Variants in PCF11 observed in about 807,000 individuals in gnomAD.
The protein encoded by PCF11 is PCF11 cleavage and polyadenylation factor subunit.
PCF11 carries 19 observed loss-of-function variants against 166.1 expected under a neutral mutation model. The observed-to-expected ratio is 0.11, with a 90% CI of 0.08 to 0.17. The LOEUF (loss-of-function observed/expected upper bound fraction) is 0.17, where lower values mean the gene tolerates loss of function less well. Ranked by LOEUF, PCF11 falls within the 10% of genes least tolerant of loss-of-function variation. The probability of loss-of-function intolerance (pLI) is 1.00; values close to 1 mark genes in which losing one functional copy is unlikely to be tolerated. For synonymous variants in PCF11, 663 were observed against 644.1 expected (o/e 1.03, Z -0.44); for missense variants, 1,565 against 1,855.5 (o/e 0.84, Z 2.88).
intron 14 of PCF11, 101 bp downstream of exon 14, chr11:83,182,592 A>G (rs375026684): frequency 3.8e-5 from 25 of 649,852 alleles, no homozygotes; most frequent in African/African-American, 1.5e-4. Context: ...TTTTTGTTTG[A>G]TTTTTGGTCT....
chr11:83,167,051 A>G lies in PCF11; in HGVS notation c.1818-74A>G. 1 of 1,209,034 alleles carries G rather than the reference A, an allele frequency of 8.3e-7. No homozygotes were observed. Among genetic ancestry groups the G allele is most frequent in the Non-Finnish European group, 1.2e-6 (1 of 851,612 alleles). The allele number at this position is 1,209,034 out of a possible 1,614,324, so 74.9% of individuals were successfully genotyped here. A position where few individuals can be genotyped will look rare whatever the true frequency, so the allele number is the denominator to read the frequency against. On this transcript the variant is annotated intron_variant, in intron 5 of 15. Coordinates refer to ENST00000298281, the Ensembl canonical transcript of PCF11. The surrounding 1 kb of genome is among the most constrained non-coding windows in gnomAD (Gnocchi z 4.2). Reference sequence around the variant, plus strand: ...CCCATTTTAACCATATCCTTTGAAAAGAATCTTTAAATATGGTCCTGAGTA... The same window carrying G: ...CCCATTTTAACCATATCCTTTGAAAGGAATCTTTAAATATGGTCCTGAGTA...
At chr11:83,166,959 T>C (rs989107682) in intron 5 of PCF11, among the ~76,000 whole-genome samples, 166 bp from the exon 6 acceptor site, 1 of 152,228 alleles carries the variant, frequency 6.6e-6, no homozygotes, top group African/African-American at 2.4e-5. Context: ...AATTCATATC[T>C]GTTTTTGCTG....
intron 1 of PCF11, 58 bp downstream of exon 1, chr11:83,157,689 G>T (rs1317798678): frequency 6.7e-7 from 1 of 1,483,194 alleles, no homozygotes; most frequent in Non-Finnish European, 9.4e-7. Flanking sequence ...TTTAGTGTCA[G>T]CCTCATCCCA....
At chr11:83,184,613 CTAAA>C (rs1317754979) in intron 15 of PCF11, 62 bp from the exon 16 acceptor site, 3 of 1,095,952 alleles carry the variant, frequency 2.7e-6, no homozygotes, top group Non-Finnish European at 4.1e-6. Context: ...TCTTACAAGA[CTAAA>C]TGTTATTTAA....
chr11:83,165,661 A>G (rs1860421795), exon 5 of PCF11: 2 of 1,613,722 alleles, frequency 1.2e-6, no homozygotes, highest in Non-Finnish European at 1.7e-6. Context: ...GCACCATCCA[A>G]ATTACATGTT....
intron 1 of PCF11, among the ~76,000 whole-genome samples, chr11:83,160,980 C>T (rs1860227085): frequency 6.6e-6 from 1 of 152,168 alleles, no homozygotes; most frequent in Admixed American, 6.5e-5. Flanking sequence ...GGTCACAAAA[C>T]TGACACTTGG....
chr11:83,177,942 G>A, intron 11 of PCF11, 123 bp downstream of exon 11: 1 of 360,762 alleles, frequency 2.8e-6, no homozygotes, highest in South Asian at 8.3e-5. Context: ...TAACATTTAG[G>A]AAGTCTTTTT....
At chr11:83,183,134 T>G in intron 15 of PCF11, 61 bp downstream of exon 15, 1 of 849,152 alleles carries the variant, frequency 1.2e-6, no homozygotes, top group South Asian at 1.8e-5. Context: ...TACTTTTCAG[T>G]TTTTTTTTTG....
At position 83,183,081 on chromosome 11, in the gene PCF11, CT is replaced by C; in HGVS notation, c.4452+13del. The C allele has an allele frequency of 5.5e-6, 8 of 1,451,708 alleles. No individual in the cohort carries two copies. The highest frequency in any genetic ancestry group is 6.6e-6 in the Non-Finnish European group (7 of 1,057,302). 89.9% of individuals were successfully genotyped at this position (1,451,708 alleles called of 1,614,324 possible). A position where few individuals can be genotyped will look rare whatever the true frequency, so the allele number is the denominator to read the frequency against. ...TATGAAGATTATCAAAATGTAAGTT[CT>C]TTTTGGTTACTGTATTTGTTCTCAT... On this transcript the variant is annotated intron_variant, in intron 15 of 15. Coordinates refer to ENST00000298281, the Ensembl canonical transcript of PCF11.
rs1288636644 is a variant in PCF11 at position 83,167,524 on chromosome 11, T to C, written c.2092+19T>C. ...CAAGAAGGTAAACATAGATGCAATG[T>C]ACGGGATAGTCCTACAGAAGAAAAT... On this transcript the variant is annotated intron_variant, in intron 7 of 15. Transcript: ENST00000298281. This position sits in a 1 kb window ranked among gnomAD's most constrained non-coding sequence, Gnocchi z 4.2. 6.2e-7 allele frequency: 1 copy of C among 1,608,514 alleles called. No individual in the cohort carries two copies. Among genetic ancestry groups the C allele is most frequent in the African/African-American group, 1.3e-5 (1 of 74,842 alleles).
At chr11:83,164,259 C>T in exon 4 of PCF11, 5 of 1,613,756 alleles carry the variant, frequency 3.1e-6, no homozygotes, top group Non-Finnish European at 4.2e-6. Context: ...AGCATCTCCA[C>T]TCCTCCAATT....
chr11:83,183,006 G>A (rs747262009), intron 14 of PCF11, 32 bp from the exon 15 acceptor site: 14 of 1,197,460 alleles, frequency 1.2e-5, no homozygotes, highest in South Asian at 5.4e-5. Flanking sequence ...AAATGAATAC[G>A]CACATATTTA....
rs1398344358 is a variant in PCF11 at position 83,161,945 on chromosome 11, G to C, written c.318+493G>C. ...GTTTACTTTTGTTACATTGTTCAAG[G>C]TATGTTTTAGGTGAATGTTGTTGGT... On this transcript the variant is annotated intron_variant, in intron 2 of 15. Coordinates refer to ENST00000298281, the Ensembl canonical transcript of PCF11. 2.0e-5 allele frequency among the ~76,000 whole-genome samples: 3 copies of C among 152,104 alleles called. 1 individual carries two copies. The highest frequency in any genetic ancestry group is 4.4e-5 in the Non-Finnish European group (3 of 68,024).
chr11:83,166,211 C>T (rs376240153), exon 5 of PCF11: 65 of 1,612,690 alleles, frequency 4.0e-5, no homozygotes, highest in Non-Finnish European at 5.2e-5. Context: ...TGAAGTCATC[C>T]GAACACAGAC....
chr11:83,184,611 G>T, intron 15 of PCF11, 68 bp from the exon 16 acceptor site: 1 of 1,067,182 alleles, frequency 9.4e-7, no homozygotes, highest in African/African-American at 1.6e-5. Flanking sequence ...GGTCTTACAA[G>T]ACTAAATGTT....
chr11:83,160,321 G>GTTTTTTTTTTTTTTTTTTTTTTTT (rs35201107), intron 1 of PCF11, among the ~76,000 whole-genome samples: 7 of 91,268 alleles, frequency 7.7e-5, no homozygotes, highest in African/African-American at 1.3e-4. Flanking sequence ...GATAACCTAA[G>GTTTTTTTTTTTTTTTTTTTTTTTT]TTTTTTTTTT....
At chr11:83,157,584 C>T (rs770925159) in exon 1 of PCF11, 7 of 1,614,048 alleles carry the variant, frequency 4.3e-6, no homozygotes, top group South Asian at 1.1e-5. Flanking sequence ...GGAGAACCTG[C>T]CCTTCGCCAA....
At chr11:83,157,714 C>A in intron 1 of PCF11, 83 bp downstream of exon 1, 1 of 1,253,194 alleles carries the variant, frequency 8.0e-7, no homozygotes, top group Non-Finnish European at 1.2e-6. Context: ...TCGCTTCCAT[C>A]CCAAGGGGGA....
chr11:83,179,999 T>A (rs1861031215), intron 11 of PCF11: 1 of 152,006 alleles, frequency 6.6e-6, no homozygotes, highest in Non-Finnish European at 1.5e-5. Context: ...TATAAGACTG[T>A]TTTTTATTAT....
Sources: gnomAD v4.1 joint callset for allele counts (sites outside exome capture counted in the v4.1 genomes callset) on GRCh38, gnomAD v4.1.1 for gene constraint, Gnocchi (gnomAD v3.1) non-coding constraint, MANE v1.5 for transcripts, NCBI Gene and HGNC (gene_info 2026-07-23, HGNC 2026-07-21) for gene names.